The following DNAH1 variants were observed in gnomAD, a reference collection of about 807,000 sequenced individuals.
DNAH1 encodes axonemal beta dynein heavy chain 1.
In DNAH1, 327 loss-of-function variants were observed where a neutral mutation model predicts 484.3. The ratio of observed to expected loss-of-function variants is 0.68; its 90% CI spans 0.62 to 0.74. The LOEUF (loss-of-function observed/expected upper bound fraction) is 0.74, where lower values mean the gene tolerates loss of function less well. Among genes scored for constraint, DNAH1 ranks in the 30% least tolerant of loss-of-function variants. The probability of loss-of-function intolerance (pLI) is 0.00; values close to 1 mark genes in which losing one functional copy is unlikely to be tolerated. For missense variants in DNAH1, 5,052 were observed against 5,546.8 expected (o/e 0.91, Z 2.83); for synonymous variants, 2,192 against 2,191.9 (o/e 1.00, Z 0.00).
At position 52,327,907 on chromosome 3, in the gene DNAH1, G is replaced by T; in HGVS notation, c.764G>T (p.Cys255Phe). The T allele has an allele frequency of 6.2e-7, 1 of 1,613,858 alleles. No homozygotes were observed. Among genetic ancestry groups the T allele is most frequent in the Non-Finnish European group, 8.5e-7 (1 of 1,179,718 alleles). The change falls in exon 6 of 78, where the codon TGC (cysteine) becomes TTC (phenylalanine). Residue 255 changes from cysteine (C) to phenylalanine (F), a missense_variant. Around this residue, in one of 4 missense-constraint regions of DNAH1, gnomAD observed 1,263 missense variants for 1,218.8 expected, o/e 1.04. Transcript: ENST00000420323. ...GTATTTGACAATGAGGACTTTGACT[G>T]CCGGACTCCCAGAGAGTGGATCAAC... Reference protein sequence around the residue: ...LKVFDNEDFDCRTPREWINMG... With the variant: ...LKVFDNEDFDFRTPREWINMG...
At position 52,372,987 on chromosome 3, in the gene DNAH1, C is replaced by T. The variant is rs2153224813; in HGVS notation, c.6919C>T (p.Gln2307Ter). 3 of 1,613,776 alleles carry T rather than the reference C, an allele frequency of 1.9e-6. No homozygotes were observed. Among genetic ancestry groups the T allele is most frequent in the Non-Finnish European group, 2.5e-6 (3 of 1,179,868 alleles). Reference sequence around the variant, plus strand: ...GCCGGCCCTGGAGACCTACGGTGCACAGCCACCCATCGAGCTGTTGCGCCA... The same window carrying T: ...GCCGGCCCTGGAGACCTACGGTGCATAGCCACCCATCGAGCTGTTGCGCCA... ...NMPALETYGA[Q>*]PPIELLRQWM... The change falls in exon 44 of 78, where the codon CAG (glutamine) becomes TAG (stop). Residue 2307 changes from glutamine (Q) to a stop codon, truncating the protein, a stop_gained. Transcript: ENST00000420323. LOFTEE classifies it high-confidence loss of function.
Position 52,353,410 on chromosome 3 carries a change from C to G in DNAH1, c.3257C>G (p.Ala1086Gly). The G allele has an allele frequency of 6.2e-7, 1 of 1,613,116 alleles. No homozygotes were observed. Among genetic ancestry groups the G allele is most frequent in the Non-Finnish European group, 8.5e-7 (1 of 1,179,356 alleles). The part of the protein sequence containing the change: ...ACQEVALDIR[A>G]RIEEFKPYIP... ...CAGGAAGTGGCCTTGGACATCCGGG[C>G]CCGCATCGAGGAGTTCAAACCATAC... Residue 1086 changes from alanine to glycine, a missense_variant, in exon 20 of 78, where the codon GCC becomes GGC. This residue lies in a region of DNAH1 where 2,929 missense variants were observed against 3,409.4 expected (regional missense o/e 0.86). Coordinates refer to ENST00000420323, the MANE Select transcript of DNAH1 (RefSeq NM_015512.5). The surrounding 1 kb of genome is among the most constrained non-coding windows in gnomAD (Gnocchi z 5.0).
rs529192018 is a variant in DNAH1, at chr3:52,379,466, G to A, written c.7378-439G>A. ...GAGGCGGCAGCTGAGATGGAGAGAG[G>A]GGGCAGGTTCAGAGGAGATTGGTGG... is the stretch of plus-strand genomic sequence containing the variant. On this transcript the variant is annotated intron_variant, in intron 47 of 77. Transcript: ENST00000420323. This position sits in a 1 kb window ranked among gnomAD's most constrained non-coding sequence, Gnocchi z 4.4. Among the ~76,000 whole-genome samples, 1 of 152,296 alleles carries A rather than the reference G, an allele frequency of 6.6e-6. No homozygotes were observed. The highest frequency in any genetic ancestry group is 2.1e-4 in the South Asian group (1 of 4,826).
At chr3:52,335,065 G>T (rs1484358083) in intron 8 of DNAH1, among the ~76,000 whole-genome samples, 5 of 150,392 alleles carry the variant, frequency 3.3e-5, no homozygotes, top group Admixed American at 2.0e-4. Context: ...CTCCCAAAGT[G>T]CTGGGATTAC....
At chr3:52,398,336 C>G (rs943413313) in intron 75 of DNAH1, among the ~76,000 whole-genome samples, 174 bp downstream of exon 75, 1 of 152,194 alleles carries the variant, frequency 6.6e-6, no homozygotes, top group African/African-American at 2.4e-5. Context: ...TGCTGGAGTG[C>G]AGCGGTATGA....
rs61738524 is a variant in DNAH1, at chr3:52,368,762, G to C, written c.5787G>C (p.Ser1929=). 3 of 1,613,756 alleles carry C rather than the reference G, an allele frequency of 1.9e-6. No individual in the cohort carries two copies. The highest frequency in any genetic ancestry group is 1.7e-6 in the Non-Finnish European group (2 of 1,179,874). Residue 1929 remains serine (S), a synonymous_variant, in exon 37 of 78, where the codon TCG becomes TCC. Coordinates refer to ENST00000420323, the MANE Select transcript of DNAH1 (RefSeq NM_015512.5). The surrounding 1 kb of genome is among the most constrained non-coding windows in gnomAD (Gnocchi z 4.4). The part of the protein sequence containing the change: ...THEWTDGIFS[S]FIRAGAITSD... Reference sequence around the variant, plus strand: ...GCAGGACAGACGGGATATTCTCCTCGTTCATCCGGGCGGGGGCCATCACCT... The same window carrying C: ...GCAGGACAGACGGGATATTCTCCTCCTTCATCCGGGCGGGGGCCATCACCT...
rs778265637 is a variant in DNAH1 at position 52,391,452 on chromosome 3, C to A, written c.9901C>A (p.Gln3301Lys). ...GTCCCACCCACCACAGACGTACAAG[C>A]AGCAGGGAAACACGGTGCTGAAGCT... Reference protein sequence around the residue: ...EPVLLKQTYKQQGNTVLKLGD... With the variant: ...EPVLLKQTYKKQGNTVLKLGD... The change falls in exon 63 of 78, where the codon CAG (glutamine) becomes AAG (lysine). Residue 3301 changes from glutamine (Q) to lysine (K), a missense_variant. By Grantham distance (53) the Gln-to-Lys change is moderately conservative. This residue lies in a region of DNAH1 where 2,929 missense variants were observed against 3,409.4 expected (regional missense o/e 0.86). Coordinates refer to ENST00000420323, the MANE Select transcript of DNAH1 (RefSeq NM_015512.5). 2 of 1,610,668 alleles carry A rather than the reference C, an allele frequency of 1.2e-6. No homozygotes were observed. The highest frequency in any genetic ancestry group is 4.5e-5 in the East Asian group (2 of 44,712).
Position 52,345,518 on chromosome 3 carries a change from C to T in DNAH1, c.1468C>T (p.His490Tyr). 1 of 1,571,894 alleles carries T rather than the reference C, an allele frequency of 6.4e-7. No individual in the cohort carries two copies. The highest frequency in any genetic ancestry group is 2.4e-5 in the East Asian group (1 of 42,406). The change falls in exon 10 of 78, where the codon CAC (histidine) becomes TAC (tyrosine). Residue 490 changes from histidine to tyrosine, a missense_variant. Coordinates refer to ENST00000420323, the MANE Select transcript of DNAH1 (RefSeq NM_015512.5). ...ERGLVSVPKYHFWEQKEDFTF... is the reference protein window; with the variant it reads ...ERGLVSVPKYYFWEQKEDFTF... ...AGGGCTGGTGAGTGTCCCCAAGTAC[C>T]ACTTCTGGGAGCAGAAGGAGGACTT...
At position 52,386,648 on chromosome 3, in the gene DNAH1, G is replaced by A. The variant is rs1363193853; in HGVS notation, c.8812-14G>A. On this transcript the variant is annotated splice_polypyrimidine_tract_variant and intron_variant, in intron 55 of 77. Transcript: ENST00000420323. ...TGGGTCTGAGTCTTCCCCACTTGGT[G>A]GCTGGGCCTGCAGGTACGTGCCATG... 1 of 1,550,944 alleles carries A rather than the reference G, an allele frequency of 6.4e-7. No homozygotes were observed. Among genetic ancestry groups the A allele is most frequent in the Non-Finnish European group, 8.7e-7 (1 of 1,147,258 alleles).
rs1559508822 is a variant in DNAH1, at chr3:52,346,538, G to GA, written c.1724dup (p.Asp575GlufsTer65). The GA allele has an allele frequency of 2.2e-5, 36 of 1,613,832 alleles. No homozygotes were observed. The highest frequency in any genetic ancestry group is 3.1e-5 in the Non-Finnish European group (36 of 1,179,862). On this transcript the variant is annotated frameshift_variant, in exon 11 of 78. Transcript: ENST00000420323. LOFTEE classifies it high-confidence loss of function. ...GGTGGCCATGCGCAGCAGCCTGCGC[G>GA]ACATGAGCAAGGGCTGGTACAACCT...
chr3:52,370,959 C>T (rs1042460928), intron 41 of DNAH1, 134 bp downstream of exon 41: 2 of 814,328 alleles, frequency 2.5e-6, no homozygotes, highest in South Asian at 1.7e-5. Context: ...TTATTTGCAT[C>T]ATCTCATGAA....
chr3:52,326,532 C>T (rs1033644169), intron 4 of DNAH1, among the ~76,000 whole-genome samples: 5 of 152,060 alleles, frequency 3.3e-5, no homozygotes, highest in East Asian at 3.9e-4. Flanking sequence ...GACTGCGGGG[C>T]GGGACAGAAG....
At chr3:52,338,032 A>C (rs763554335) in intron 8 of DNAH1, among the ~76,000 whole-genome samples, 3 of 152,146 alleles carry the variant, frequency 2.0e-5, no homozygotes, top group African/African-American at 4.8e-5. Context: ...GGGCTCAAGC[A>C]ATCTGCTCAC....
In DNAH1 at chr3:52,359,311, C is replaced by T; in HGVS notation, c.4332C>T (p.Tyr1444=). The T allele has an allele frequency of 6.4e-7, 1 of 1,569,772 alleles. No individual in the cohort carries two copies. Among genetic ancestry groups the T allele is most frequent in the African/African-American group, 1.4e-5 (1 of 73,944 alleles). Residue 1444 remains tyrosine, a synonymous_variant, in exon 26 of 78, where the codon TAC becomes TAT. Coordinates refer to ENST00000420323, the MANE Select transcript of DNAH1 (RefSeq NM_015512.5). ...GQVTIAGCQT[Y]WTMEVAEALE... is the part of the protein sequence containing the mutation. The stretch of plus-strand genomic sequence containing the variant: ...TGACCATCGCTGGGTGCCAGACCTA[C>T]TGGACCATGGAGGTGGCAGAGGCTC...
Position 52,361,846 on chromosome 3 carries a change from A to G in DNAH1, c.4980+80A>G. The G allele has an allele frequency of 4.2e-6, 6 of 1,443,934 alleles. No individual in the cohort carries two copies. The highest frequency in any genetic ancestry group is 5.7e-6 in the Non-Finnish European group (6 of 1,059,622). The allele number at this position is 1,443,934 out of a possible 1,614,324, so 89.4% of individuals were successfully genotyped here. ...TACTGCTCCCCATTGCAGGCTGAGAAGCCAGGCGCTAAGGTCCACCCTGGG... is the reference window on the plus strand; with the variant it reads ...TACTGCTCCCCATTGCAGGCTGAGAGGCCAGGCGCTAAGGTCCACCCTGGG... On this transcript the variant is annotated intron_variant, in intron 30 of 77. Coordinates refer to ENST00000420323, the MANE Select transcript of DNAH1 (RefSeq NM_015512.5). The surrounding 1 kb of genome is among the most constrained non-coding windows in gnomAD (Gnocchi z 5.6).
At position 52,359,289 on chromosome 3, in the gene DNAH1, C is replaced by T; in HGVS notation, c.4310C>T (p.Thr1437Ile). 2 of 1,568,902 alleles carry T rather than the reference C, an allele frequency of 1.3e-6. No individual in the cohort carries two copies. Among genetic ancestry groups the T allele is most frequent in the Admixed American group, 1.8e-5 (1 of 54,296 alleles). The change falls in exon 26 of 78, where the codon ACC (threonine) becomes ATC (isoleucine). Residue 1437 changes from threonine (T) to isoleucine (I), a missense_variant. Transcript: ENST00000420323. ...GTTCTGAACTGGCCTGGCCAGGTGA[C>T]CATCGCTGGGTGCCAGACCTACTGG... Reference protein sequence around the residue: ...QWVLNWPGQVTIAGCQTYWTM... With the variant: ...QWVLNWPGQVIIAGCQTYWTM...
Position 52,352,076 on chromosome 3 carries a change from C to T in DNAH1, c.2844C>T (p.Asn948=). Residue 948 remains asparagine (N), a synonymous_variant, in exon 17 of 78, where the codon AAC becomes AAT. Coordinates refer to ENST00000420323, the MANE Select transcript of DNAH1 (RefSeq NM_015512.5). ...FRKIQIMDQN[N]FQEKLEGLQL... ...AAATCCAGATCATGGATCAGAACAA[C>T]TTCCAAGAGAAGCTGGAAGGGCTGC... is the stretch of plus-strand genomic sequence containing the variant. The T allele has an allele frequency of 3.2e-6, 5 of 1,584,344 alleles. No homozygotes were observed. The highest frequency in any genetic ancestry group is 4.3e-6 in the Non-Finnish European group (5 of 1,165,490).
At chr3:52,399,425 G>A (rs1704802249) in intron 76 of DNAH1, 120 bp from the exon 77 acceptor site, 3 of 999,298 alleles carry the variant, frequency 3.0e-6, no homozygotes, top group Admixed American at 4.7e-5. Flanking sequence ...AAAGTGGTAG[G>A]TACGTGATGA....
chr3:52,328,033 G>A lies in DNAH1; in HGVS notation c.871+19G>A. 1 of 1,610,888 alleles carries A rather than the reference G, an allele frequency of 6.2e-7. No homozygotes were observed. Among genetic ancestry groups the A allele is most frequent in the Non-Finnish European group, 8.5e-7 (1 of 1,177,432 alleles). On this transcript the variant is annotated intron_variant, in intron 6 of 77. Transcript: ENST00000420323. ...GGGCATGGTGAGCAAGGCCACTCTG[G>A]AGTGGGGACACTATCTCATTCCAGT...
Sources: gnomAD v4.1 joint callset for allele counts (sites outside exome capture counted in the v4.1 genomes callset) on GRCh38, gnomAD v4.1.1 for gene constraint, gnomAD v4.1.1 regional missense constraint, Gnocchi (gnomAD v3.1) non-coding constraint, MANE v1.5 for transcripts, NCBI Gene and HGNC (gene_info 2026-07-23, HGNC 2026-07-21) for gene names.